The following PCDH15 variants were observed in gnomAD, a reference collection of about 807,000 sequenced individuals.
PCDH15 encodes protocadherin related 15, also known as protocadherin-15.
A neutral mutation model predicts 178.5 loss-of-function variants in PCDH15; 129 were observed. The ratio of observed to expected loss-of-function variants is 0.72; its 90% CI spans 0.63 to 0.84. The LOEUF (loss-of-function observed/expected upper bound fraction) is 0.84. PCDH15 is among the 40% of genes least tolerant of loss of function. The pLI is 0.00. For synonymous variants in PCDH15, 800 were observed against 732.0 expected, an observed-to-expected ratio of 1.09 and a Z score of -1.50; for missense variants, 2,230 against 2,099.9, an observed-to-expected ratio of 1.06 and a Z score of -1.21.
chr10:54,524,397 C>T (rs1320015947), intron 3 of PCDH15, among the ~76,000 whole-genome samples: 4 of 152,174 alleles, frequency 2.6e-5, no homozygotes, highest in African/African-American at 7.2e-5. Context: ...CTTCTCTTTA[C>T]GTAGCAGTGC....
intron 2 of PCDH15, among the ~76,000 whole-genome samples, chr10:55,340,686 C>G (rs999282539): frequency 2.0e-5 from 3 of 151,816 alleles, no homozygotes; most frequent in Non-Finnish European, 4.4e-5. Context: ...AGAATCTTTT[C>G]TCTCAATATA....
intron 2 of PCDH15, among the ~76,000 whole-genome samples, chr10:55,479,340 T>C (rs1393129394): frequency 5.3e-5 from 8 of 151,534 alleles, no homozygotes; most frequent in Non-Finnish European, 1.2e-4. Flanking sequence ...ATTCAACATA[T>C]GCAAATCAAT....
intron 2 of PCDH15, among the ~76,000 whole-genome samples, chr10:54,533,350 G>A (rs1001595924): frequency 1.3e-5 from 2 of 152,074 alleles, no homozygotes; most frequent in Admixed American, 6.6e-5. Flanking sequence ...TAAGGTCATT[G>A]GTGACAACTC....
At chr10:54,378,627 T>G (rs1948789025) in intron 4 of PCDH15, among the ~76,000 whole-genome samples, 155 bp downstream of exon 4, 1 of 152,170 alleles carries the variant, frequency 6.6e-6, no homozygotes, top group Non-Finnish European at 1.5e-5. Flanking sequence ...CCTTCCTTTC[T>G]CATTCTTCTT....
At chr10:54,629,122 G>A (rs374952744) in intron 2 of PCDH15, among the ~76,000 whole-genome samples, 50 of 151,666 alleles carry the variant, frequency 3.3e-4, no homozygotes, top group African/African-American at 1.2e-3. Flanking sequence ...TCCACCGGAA[G>A]AAAGCATATG....
At chr10:54,433,641 A>G (rs1181827013) in intron 3 of PCDH15, among the ~76,000 whole-genome samples, 1 of 152,134 alleles carries the variant, frequency 6.6e-6, no homozygotes, top group African/African-American at 2.4e-5. Flanking sequence ...AGCTCAACAG[A>G]GGGACTATAG....
chr10:55,014,510 A>C (rs1288875447), intron 2 of PCDH15, among the ~76,000 whole-genome samples: 3 of 50,852 alleles, frequency 5.9e-5, no homozygotes, highest in Non-Finnish European at 1.0e-4. Flanking sequence ...TCTTCAATAA[A>C]ATATTTTTGT....
chr10:54,570,226 A>C (rs555414823), intron 2 of PCDH15, among the ~76,000 whole-genome samples: 134 of 152,238 alleles, frequency 8.8e-4, no homozygotes, highest in Middle Eastern at 3.4e-3. Flanking sequence ...GTCTGGCTAT[A>C]TACGTGACTT....
intron 15 of PCDH15, among the ~76,000 whole-genome samples, chr10:54,128,226 G>A (rs1036123652): frequency 6.6e-6 from 1 of 152,122 alleles, no homozygotes. Context: ...GTATCTTTTA[G>A]CTAATGTCCA....
At chr10:53,980,059 A>C (rs1009950699) in intron 21 of PCDH15, among the ~76,000 whole-genome samples, 3 of 151,894 alleles carry the variant, frequency 2.0e-5, no homozygotes, top group Admixed American at 1.3e-4. Context: ...TCTCTACTAC[A>C]AATACAAAAA....
chr10:53,935,256 C>T (rs866348514), intron 25 of PCDH15, among the ~76,000 whole-genome samples: 1 of 152,058 alleles, frequency 6.6e-6, no homozygotes, highest in Non-Finnish European at 1.5e-5. Flanking sequence ...TCTTAATGCA[C>T]CAAAACATAG....
chr10:54,724,839 T>G (rs967248861), intron 1 of PCDH15, among the ~76,000 whole-genome samples: 3 of 151,014 alleles, frequency 2.0e-5, no homozygotes, highest in Non-Finnish European at 4.4e-5. Flanking sequence ...TTTGTTACAT[T>G]ATTATATTGC....
At chr10:54,106,692 C>A (rs1043149426) in intron 15 of PCDH15, among the ~76,000 whole-genome samples, 1 of 152,054 alleles carries the variant, frequency 6.6e-6, no homozygotes, top group East Asian at 1.9e-4. Flanking sequence ...TGGATCCACA[C>A]ACATAAGAAA....
chr10:53,920,559 T>C (rs2083912109), intron 25 of PCDH15, among the ~76,000 whole-genome samples: 1 of 152,094 alleles, frequency 6.6e-6, no homozygotes, highest in South Asian at 2.1e-4. Flanking sequence ...TAATTTAAAA[T>C]AGTTAATGTT....
intron 1 of PCDH15, among the ~76,000 whole-genome samples, chr10:54,770,953 T>C (rs1292872963): frequency 2.6e-5 from 4 of 152,098 alleles, no homozygotes; most frequent in Non-Finnish European, 5.9e-5. Flanking sequence ...CAGTTGGCTT[T>C]TGCAAAAGTA....
intron 8 of PCDH15, among the ~76,000 whole-genome samples, chr10:54,245,235 A>C (rs1466676432): frequency 6.6e-6 from 1 of 152,180 alleles, no homozygotes; most frequent in Admixed American, 6.6e-5. Context: ...GCATTATCAG[A>C]TGCAGTAGTT....
chr10:55,267,495 C>T (rs1842330612), intron 1 of PCDH15, among the ~76,000 whole-genome samples: 3 of 152,086 alleles, frequency 2.0e-5, no homozygotes, highest in Admixed American at 2.0e-4. Context: ...ACCAATTTGT[C>T]CTTTTTATCA....
intron 2 of PCDH15, among the ~76,000 whole-genome samples, chr10:55,448,581 T>C (rs541335215): frequency 4.4e-4 from 67 of 152,100 alleles, no homozygotes; most frequent in African/African-American, 1.5e-3. Flanking sequence ...GTAGAACTTC[T>C]TACTAGTTAT....
At chr10:55,603,119 A>T (rs1330939505) in intron 2 of PCDH15, among the ~76,000 whole-genome samples, 2 of 152,208 alleles carry the variant, frequency 1.3e-5, no homozygotes, top group African/African-American at 4.8e-5. Flanking sequence ...GAAGCAATCA[A>T]CTGGAAGAAA....
Sources: gnomAD v4.1 joint callset for allele counts (sites outside exome capture counted in the v4.1 genomes callset) on GRCh38, gnomAD v4.1.1 for gene constraint, MANE v1.5 for transcripts, NCBI Gene and HGNC (gene_info 2026-07-23, HGNC 2026-07-21) for gene names.